B3GALT1: variants seen among roughly 807,000 people sequenced by gnomAD.
B3GALT1 encodes UDP-Gal:betaGlcNAc beta 1,3-galactosyltransferase, polypeptide 1.
A neutral mutation model predicts 23.2 loss-of-function variants in B3GALT1; 10 were observed. The ratio of observed to expected loss-of-function variants is 0.43; its 90% confidence interval spans 0.27 to 0.73. The LOEUF (loss-of-function observed/expected upper bound fraction) is 0.73, where lower values mean the gene tolerates loss of function less well. Ranked by LOEUF, B3GALT1 falls within the 30% of genes least tolerant of loss-of-function variation. B3GALT1 has a pLI of 0.21. For missense variants in B3GALT1, 299 were observed against 405.4 expected (o/e 0.74, Z 2.25); for synonymous variants, 156 against 141.5 (o/e 1.10, Z -0.73).
intron 1 of B3GALT1, among the ~76,000 whole-genome samples, chr2:167,340,064 T>C (rs1697122806): frequency 6.6e-6 from 1 of 152,140 alleles, no homozygotes; most frequent in South Asian, 2.1e-4. Flanking sequence ...AACAAAAACT[T>C]TGTGAAAACA....
At chr2:167,300,930 A>C (rs892066970) in intron 1 of B3GALT1, among the ~76,000 whole-genome samples, 1 of 152,226 alleles carries the variant, frequency 6.6e-6, no homozygotes, top group South Asian at 2.1e-4. Flanking sequence ...ATTCAACATC[A>C]GTGTCTTCTT....
chr2:167,496,741 A>G (rs1393195426), intron 2 of B3GALT1, among the ~76,000 whole-genome samples: 2 of 152,202 alleles, frequency 1.3e-5, no homozygotes, highest in Admixed American at 6.5e-5. Context: ...TAATGAAGTC[A>G]TGAAGGTAGA....
intron 1 of B3GALT1, among the ~76,000 whole-genome samples, chr2:167,481,215 T>C (rs911137438): frequency 1.7e-5 from 2 of 119,080 alleles, no homozygotes; most frequent in Non-Finnish European, 3.4e-5. Flanking sequence ...TGCTTATATA[T>C]GGTAAAAAAA....
intron 4 of B3GALT1, among the ~76,000 whole-genome samples, chr2:167,863,489 A>G (rs186617242): frequency 1.9e-4 from 29 of 152,330 alleles, no homozygotes; most frequent in Middle Eastern, 3.4e-3. Context: ...GAGATAAAAC[A>G]GATTTATTTG....
chr2:167,344,907 C>T (rs1574041441), intron 1 of B3GALT1, among the ~76,000 whole-genome samples: 1 of 152,100 alleles, frequency 6.6e-6, no homozygotes, highest in East Asian at 1.9e-4. Flanking sequence ...AGGTATTAAG[C>T]AAGATAAGGT....
At chr2:167,659,534 G>T (rs1686019420) in intron 3 of B3GALT1, among the ~76,000 whole-genome samples, 1 of 152,014 alleles carries the variant, frequency 6.6e-6, no homozygotes, top group Non-Finnish European at 1.5e-5. Flanking sequence ...ACATTGTACG[G>T]AGTCAGGAGG....
Position 167,668,320 on chromosome 2 carries a change from A to G in B3GALT1, c.-352+21354A>G, listed in dbSNP as rs561286667. 2.0e-5 allele frequency among the ~76,000 whole-genome samples: 3 copies of G among 152,188 alleles called. No individual in the cohort carries two copies. The South Asian group carries it at 6.2e-4, about 32-fold the overall frequency. On this transcript the variant is annotated intron_variant, in intron 3 of 4. Transcript: ENST00000392690. Reference sequence around the variant, plus strand: ...GCAGTTTGCCCGTTCTCAGATCTCCAGCTGCATGCTGGGAGAACCACTGCT... The same window carrying G: ...GCAGTTTGCCCGTTCTCAGATCTCCGGCTGCATGCTGGGAGAACCACTGCT...
chr2:167,573,326 T>C (rs1468777631), intron 2 of B3GALT1, among the ~76,000 whole-genome samples: 1 of 151,812 alleles, frequency 6.6e-6, no homozygotes, highest in African/African-American at 2.4e-5. Context: ...ATAAAAGGTA[T>C]AAACTTTTAA....
At chr2:167,303,644 TACACACACACAC>T (rs61323885) in intron 1 of B3GALT1, among the ~76,000 whole-genome samples, 46 of 144,984 alleles carry the variant, frequency 3.2e-4, no homozygotes, top group African/African-American at 6.2e-4. Flanking sequence ...AACACACACA[TACACACACACAC>T]ACACACACAC....
rs543435342 is a variant in B3GALT1 at position 167,407,319 on chromosome 2, A to C, written c.-510-82858A>C. ...TGAAAATGGAAATACAACATACTAA[A>C]ATCGATTGGATACAGCAAAGCAGCA... is the stretch of plus-strand genomic sequence containing the variant. On this transcript the variant is annotated intron_variant, in intron 1 of 4. Coordinates refer to ENST00000392690, the MANE Select transcript of B3GALT1 (RefSeq NM_020981.4). Among the ~76,000 whole-genome samples, 22 of 152,286 alleles carry C rather than the reference A, an allele frequency of 1.4e-4. No homozygotes were observed. In the East Asian group the frequency reaches 3.7e-3, roughly 25 times the overall value.
chr2:167,793,346 C>A (rs987959011), intron 3 of B3GALT1, among the ~76,000 whole-genome samples: 1 of 152,166 alleles, frequency 6.6e-6, no homozygotes, highest in Non-Finnish European at 1.5e-5. Flanking sequence ...CCTGCCTCAC[C>A]CAATTGCTGA....
At chr2:167,850,831 G>A (rs1689869620) in intron 4 of B3GALT1, among the ~76,000 whole-genome samples, 1 of 151,972 alleles carries the variant, frequency 6.6e-6, no homozygotes, top group South Asian at 2.1e-4. Flanking sequence ...AGTGGGAGGG[G>A]GCCGAGGGAT....
chr2:167,698,258 T>C (rs1377364581), intron 3 of B3GALT1, among the ~76,000 whole-genome samples: 1 of 152,218 alleles, frequency 6.6e-6, no homozygotes, highest in East Asian at 1.9e-4. Flanking sequence ...GGTTGGAATT[T>C]TATTTATGGC....
chr2:167,728,196 T>C (rs980488843), intron 3 of B3GALT1, among the ~76,000 whole-genome samples: 1 of 152,188 alleles, frequency 6.6e-6, no homozygotes, highest in African/African-American at 2.4e-5. Context: ...GAGACCAGCC[T>C]GGCCAACATG....
intron 3 of B3GALT1, among the ~76,000 whole-genome samples, 47 bp from the exon 4 acceptor site, chr2:167,818,625 C>A (rs1355384721): frequency 6.6e-6 from 1 of 152,106 alleles, no homozygotes; most frequent in Non-Finnish European, 1.5e-5. Context: ...GAACCCAATT[C>A]ATTTCCGTTA....
At chr2:167,834,159 G>A (rs752046396) in intron 4 of B3GALT1, among the ~76,000 whole-genome samples, 1 of 152,094 alleles carries the variant, frequency 6.6e-6, no homozygotes, top group Non-Finnish European at 1.5e-5. Flanking sequence ...TCAGAGCTGT[G>A]GTATTCCTGT....
chr2:167,372,517 G>C lies in B3GALT1; in HGVS notation c.-511+79183G>C, dbSNP rs77475959. Among the ~76,000 whole-genome samples the C allele has an allele frequency of 1.1e-3, 169 of 152,004 alleles. 4 individuals are homozygous for C. In the East Asian group the frequency reaches 0.028, roughly 25 times the overall value. ...TCTAGCCAGTAATATTAGGAAAGAAGTAATAGTAAAAGGCCCACAGATTGG... is the reference window on the plus strand; with the variant it reads ...TCTAGCCAGTAATATTAGGAAAGAACTAATAGTAAAAGGCCCACAGATTGG... On this transcript the variant is annotated intron_variant, in intron 1 of 4. Transcript: ENST00000392690.
At chr2:167,625,942 CATATATATATATATATATATATATAT>C (rs10522850) in intron 2 of B3GALT1, among the ~76,000 whole-genome samples, 8,311 of 118,458 alleles carry the variant, frequency 0.07, 832 homozygotes, top group African/African-American at 0.23. Context: ...ATGACTAGGC[CATATATATATATATATATATATATAT>C]ATATATATAT....
At chr2:167,838,786 C>T (rs1206823932) in intron 4 of B3GALT1, among the ~76,000 whole-genome samples, 1 of 152,234 alleles carries the variant, frequency 6.6e-6, no homozygotes, top group African/African-American at 2.4e-5. Context: ...CAATAAAATA[C>T]TGGCAAACCA....
Sources: gnomAD v4.1 joint callset for allele counts (sites outside exome capture counted in the v4.1 genomes callset) on GRCh38, gnomAD v4.1.1 for gene constraint, MANE v1.5 for transcripts, NCBI Gene and HGNC (gene_info 2026-07-23, HGNC 2026-07-21) for gene names.